Variants in AZI2 observed in about 807,000 individuals in gnomAD.
The protein encoded by AZI2 is 5-azacytidine-induced protein 2.
Under a neutral mutation model 45.8 loss-of-function variants are expected in AZI2, and 22 were observed. The ratio of observed to expected loss-of-function variants is 0.48; its 90% confidence interval spans 0.34 to 0.69. The LOEUF (loss-of-function observed/expected upper bound fraction) is 0.69, where lower values mean the gene tolerates loss of function less well. AZI2 is among the 30% of genes least tolerant of loss of function. The pLI, the probability that AZI2 is intolerant of heterozygous loss-of-function variation, is 0.01. For missense variants in AZI2, 417 were observed against 441.5 expected, an observed-to-expected ratio of 0.94 and a Z score of 0.50; for synonymous variants, 137 against 156.7, an observed-to-expected ratio of 0.87 and a Z score of 0.94.
At chr3:28,337,019 A>T (rs1703821240) in intron 4 of AZI2, 134 bp from the exon 5 acceptor site, 4 of 842,896 alleles carry the variant, frequency 4.7e-6, no homozygotes, top group South Asian at 4.1e-5. Context: ...ATAGTTTTTT[A>T]AAAACAGTAA....
chr3:28,337,356 C>T (rs555444606), intron 4 of AZI2, among the ~76,000 whole-genome samples: 17 of 152,184 alleles, frequency 1.1e-4, no homozygotes, highest in African/African-American at 4.1e-4. Context: ...CTCAGTCTCT[C>T]TAGCTACAAA....
rs1297758567 is a variant in AZI2 at position 28,331,492 on chromosome 3, AAC to A, written c.647+875_647+876del. Reference sequence around the variant, plus strand: ...ACTGCCAGCTCACAAAGCCGAATAAAACAGTTACTGCTGGCACTTTATAGAAA... The same window carrying A: ...ACTGCCAGCTCACAAAGCCGAATAAAAGTTACTGCTGGCACTTTATAGAAA... On this transcript the variant is annotated intron_variant, in intron 6 of 7. Coordinates refer to ENST00000479665, the MANE Select transcript of AZI2 (RefSeq NM_022461.5). 1.2e-3 allele frequency among the ~76,000 whole-genome samples: 189 copies of A among 151,686 alleles called. 2 individuals are homozygous for A. Among genetic ancestry groups the A allele is most frequent in the Non-Finnish European group, 4.1e-4 (28 of 67,666 alleles).
chr3:28,333,768 T>C (rs1703678259), intron 5 of AZI2, among the ~76,000 whole-genome samples: 1 of 151,560 alleles, frequency 6.6e-6, no homozygotes, highest in African/African-American at 2.4e-5. Flanking sequence ...CCCTAACTAG[T>C]GCCACATGAT....
intron 1 of AZI2, among the ~76,000 whole-genome samples, chr3:28,347,134 T>C (rs984455674): frequency 1.3e-5 from 2 of 152,276 alleles, no homozygotes; most frequent in Non-Finnish European, 2.9e-5. Flanking sequence ...AAAATTATTT[T>C]CTAACAGTGA....
Position 28,324,241 on chromosome 3 carries a change from G to A in AZI2, c.980C>T (p.Pro327Leu), listed in dbSNP as rs764881587. 6.2e-7 allele frequency: 1 copy of A among 1,610,156 alleles called. No individual in the cohort carries two copies. The highest frequency in any genetic ancestry group is 8.5e-7 in the Non-Finnish European group (1 of 1,177,486). ...QSWTDNERSIPNDGTCFQEHS... is the reference protein window; with the variant it reads ...QSWTDNERSILNDGTCFQEHS... ...TTCCTGAAAGCATGTACCATCATTAGGAATGGATCTCTCATTGTCTGTCCA... is the reference window on the plus strand; with the variant it reads ...TTCCTGAAAGCATGTACCATCATTAAGAATGGATCTCTCATTGTCTGTCCA... The change falls in exon 8 of 8, where the codon CCT (proline) becomes CTT (leucine). Residue 327 changes from proline (P) to leucine (L), a missense_variant. Pro to Leu is a moderately conservative substitution (Grantham distance 98). Coordinates refer to ENST00000479665, the MANE Select transcript of AZI2 (RefSeq NM_022461.5).
Position 28,326,830 on chromosome 3 carries a change from G to T in AZI2, c.766+2C>A. On this transcript the variant is annotated splice_donor_variant, in intron 7 of 7. Coordinates refer to ENST00000479665, the MANE Select transcript of AZI2 (RefSeq NM_022461.5). LOFTEE classifies it high-confidence loss of function. ...AGTGGTTTCCGGTAAACAGTGACTT[G>T]CCTTTCTTGATTGCAGTTGAGGTTT... 1 of 1,597,670 alleles carries T rather than the reference G, an allele frequency of 6.3e-7. No homozygotes were observed. Among genetic ancestry groups the T allele is most frequent in the Non-Finnish European group, 8.6e-7 (1 of 1,166,094 alleles).
chr3:28,339,551 A>G (rs1703928987), intron 2 of AZI2, among the ~76,000 whole-genome samples: 1 of 152,142 alleles, frequency 6.6e-6, no homozygotes, highest in Non-Finnish European at 1.5e-5. Flanking sequence ...AATTATAATT[A>G]TTTTACAACC....
chr3:28,327,922 C>T (rs1165968995), intron 6 of AZI2, among the ~76,000 whole-genome samples: 5 of 150,516 alleles, frequency 3.3e-5, no homozygotes, highest in South Asian at 2.1e-4. Context: ...ACTAGACAAA[C>T]GTGTCACCTT....
intron 6 of AZI2, 98 bp downstream of exon 6, chr3:28,332,270 TG>T: frequency 9.7e-7 from 1 of 1,027,832 alleles, no homozygotes; most frequent in Non-Finnish European, 1.5e-6. Context: ...ATCCATTTTT[TG>T]TTTTTAAGGT....
intron 1 of AZI2, among the ~76,000 whole-genome samples, chr3:28,342,711 G>GCA (rs71087691): frequency 0.028 from 4,113 of 147,524 alleles, 51 homozygotes; most frequent in Middle Eastern, 0.062. Flanking sequence ...TCTTACACAT[G>GCA]CACACACACA....
At chr3:28,329,757 T>G (rs1278904843) in intron 6 of AZI2, among the ~76,000 whole-genome samples, 2 of 151,252 alleles carry the variant, frequency 1.3e-5, no homozygotes, top group African/African-American at 4.8e-5. Context: ...AAGTGTGTAT[T>G]TTGACAACTG....
At chr3:28,348,550 G>A (rs1870258) in intron 1 of AZI2, 51 bp downstream of exon 1, 31,937 of 152,484 alleles carry the variant, frequency 0.21, 3,688 homozygotes, top group Admixed American at 0.28. Context: ...GAGGTTGGCC[G>A]CGGCATTGCC....
chr3:28,335,290 T>C (rs1337123692), intron 5 of AZI2, among the ~76,000 whole-genome samples: 1 of 151,912 alleles, frequency 6.6e-6, no homozygotes, highest in Non-Finnish European at 1.5e-5. Context: ...GGCTATCAAA[T>C]TTCCTTTCAA....
intron 1 of AZI2, among the ~76,000 whole-genome samples, chr3:28,343,535 A>G (rs1704111832): frequency 6.8e-6 from 1 of 147,126 alleles, no homozygotes; most frequent in Non-Finnish European, 1.5e-5. Flanking sequence ...TACAATGTTG[A>G]TTTTTTTTTT....
chr3:28,333,897 TCTAA>T (rs1315944945), intron 5 of AZI2, among the ~76,000 whole-genome samples: 1 of 151,390 alleles, frequency 6.6e-6, no homozygotes, highest in African/African-American at 2.4e-5. Flanking sequence ...ACTGTGAATC[TCTAA>T]CTGGGCTACC....
intron 1 of AZI2, among the ~76,000 whole-genome samples, chr3:28,345,555 C>A (rs1195166844): frequency 6.6e-6 from 1 of 151,652 alleles, no homozygotes; most frequent in African/African-American, 2.4e-5. Flanking sequence ...ACACTATTGA[C>A]AATTATTTTT....
chr3:28,326,245 T>G (rs1703383969), intron 7 of AZI2, among the ~76,000 whole-genome samples: 1 of 151,004 alleles, frequency 6.6e-6, no homozygotes, highest in Non-Finnish European at 1.5e-5. Flanking sequence ...CTCAAGAAGT[T>G]AAATCAGTCA....
intron 1 of AZI2, among the ~76,000 whole-genome samples, chr3:28,346,758 CT>C (rs1704248286): frequency 6.6e-6 from 1 of 152,150 alleles, no homozygotes; most frequent in Non-Finnish European, 1.5e-5. Flanking sequence ...GCTTATTCCC[CT>C]TTCTCAATTT....
intron 6 of AZI2, among the ~76,000 whole-genome samples, chr3:28,330,970 G>A (rs1703546369): frequency 6.6e-6 from 1 of 151,358 alleles, no homozygotes; most frequent in Non-Finnish European, 1.5e-5. Context: ...TTGCAGCCTT[G>A]AAAATATCTC....
Sources: allele counts gnomAD v4.1 joint callset (sites outside exome capture counted in the v4.1 genomes callset), GRCh38; gene constraint gnomAD v4.1.1; transcripts MANE v1.5; gene names NCBI Gene and HGNC (gene_info 2026-07-23, HGNC 2026-07-21).